The following EPHA7 variants were observed in gnomAD, a reference collection of about 807,000 sequenced individuals.
The protein encoded by EPHA7 is ephrin type-A receptor 7.
A neutral mutation model predicts 112.6 loss-of-function variants in EPHA7; 25 were observed. The ratio of observed to expected loss-of-function variants is 0.22; its 90% confidence interval spans 0.16 to 0.31. The LOEUF (loss-of-function observed/expected upper bound fraction) is 0.31, where lower values mean the gene tolerates loss of function less well. Among genes scored for constraint, EPHA7 ranks in the 10% least tolerant of loss-of-function variants. The pLI, the probability that EPHA7 is intolerant of heterozygous loss-of-function variation, is 1.00. For synonymous variants in EPHA7, 437 were observed against 406.5 expected, an observed-to-expected ratio of 1.07 and a Z score of -0.90; for missense variants, 962 against 1,212.6, an observed-to-expected ratio of 0.79 and a Z score of 3.07.
intron 5 of EPHA7, among the ~76,000 whole-genome samples, chr6:93,277,898 T>C (rs1192903780): frequency 6.6e-6 from 1 of 151,870 alleles, no homozygotes; most frequent in Non-Finnish European, 1.5e-5. Context: ...AATAAAAGCA[T>C]CCTGCATAGT....
chr6:93,319,157 T>C (rs1773947541), intron 5 of EPHA7, among the ~76,000 whole-genome samples: 1 of 152,192 alleles, frequency 6.6e-6, no homozygotes, highest in East Asian at 1.9e-4. Context: ...GACAATAAAT[T>C]TAACAACTAA....
At chr6:93,308,916 A>C (rs1773392588) in intron 5 of EPHA7, among the ~76,000 whole-genome samples, 1 of 150,856 alleles carries the variant, frequency 6.6e-6, no homozygotes, top group South Asian at 2.1e-4. Flanking sequence ...AAAAGCCCCA[A>C]CTAGTTTGAC....
intron 2 of EPHA7, among the ~76,000 whole-genome samples, chr6:93,413,380 A>G (rs1392857397): frequency 6.6e-6 from 1 of 151,938 alleles, no homozygotes; most frequent in Non-Finnish European, 1.5e-5. Context: ...TATTACATGG[A>G]TGAAATACTA....
chr6:93,255,884 C>T lies in EPHA7; in HGVS notation c.2326G>A (p.Asp776Asn). ...TCTATAACTCGGGACAGGCCAAAAT[C>T]TGACACTTTACAAACGAGATTGCTG... ...VNSNLVCKVSDFGLSRVIEDD... is the reference protein window; with the variant it reads ...VNSNLVCKVSNFGLSRVIEDD... The change falls in exon 13 of 17, where the codon GAT becomes AAT. Residue 776 changes from aspartate to asparagine, a missense_variant. Asp to Asn is a conservative substitution (Grantham distance 23, BLOSUM62 1). This residue lies in a region of EPHA7 where 746 missense variants were observed against 889.2 expected (regional missense o/e 0.84). Coordinates refer to ENST00000369303, the MANE Select transcript of EPHA7 (RefSeq NM_004440.4). The T allele has an allele frequency of 6.2e-7, 1 of 1,614,084 alleles. No homozygotes were observed. The highest frequency in any genetic ancestry group is 8.5e-7 in the Non-Finnish European group (1 of 1,179,996).
At chr6:93,252,935 A>G (rs887291924) in intron 14 of EPHA7, among the ~76,000 whole-genome samples, 2 of 152,058 alleles carry the variant, frequency 1.3e-5, no homozygotes, top group Non-Finnish European at 2.9e-5. Flanking sequence ...GTTCATTTTT[A>G]AGAAAAACAA....
At chr6:93,345,972 A>G (rs551049946) in intron 5 of EPHA7, among the ~76,000 whole-genome samples, 25 of 151,764 alleles carry the variant, frequency 1.6e-4, no homozygotes, top group African/African-American at 5.3e-4. Flanking sequence ...GAACTCATGT[A>G]GTGAAAACAG....
At chr6:93,351,054 G>T (rs1775667342) in intron 5 of EPHA7, among the ~76,000 whole-genome samples, 1 of 151,918 alleles carries the variant, frequency 6.6e-6, no homozygotes, top group African/African-American at 2.4e-5. Context: ...ATTCTCCTTA[G>T]AAAAGCACTG....
chr6:93,334,225 C>G (rs1308489439), intron 5 of EPHA7, among the ~76,000 whole-genome samples: 2 of 151,982 alleles, frequency 1.3e-5, no homozygotes, highest in Admixed American at 1.3e-4. Flanking sequence ...GGACCCCCTC[C>G]TTACACCGTA....
At chr6:93,390,274 C>T (rs1323616660) in intron 3 of EPHA7, among the ~76,000 whole-genome samples, 1 of 145,836 alleles carries the variant, frequency 6.9e-6, no homozygotes, top group Non-Finnish European at 1.5e-5. Flanking sequence ...TTTCAAATTA[C>T]AAGAAAAGAA....
chr6:93,288,260 G>A (rs1772175727), intron 5 of EPHA7, among the ~76,000 whole-genome samples: 1 of 152,198 alleles, frequency 6.6e-6, no homozygotes, highest in Non-Finnish European at 1.5e-5. Context: ...TGGATAGGCT[G>A]TACAGTACAA....
intron 5 of EPHA7, among the ~76,000 whole-genome samples, chr6:93,288,799 C>T (rs1393279943): frequency 6.6e-6 from 1 of 152,156 alleles, no homozygotes; most frequent in Admixed American, 6.5e-5. Flanking sequence ...TTCCTAACTT[C>T]TCTGAGTAAA....
At chr6:93,402,479 G>C (rs974171649) in intron 3 of EPHA7, among the ~76,000 whole-genome samples, 5 of 151,940 alleles carry the variant, frequency 3.3e-5, no homozygotes, top group Admixed American at 3.3e-4. Flanking sequence ...GGGTCACAGG[G>C]ATGACATTTG....
rs371052750 is a variant in EPHA7, at chr6:93,405,783, ATGTGTGTGTG to A, written c.832+4708_832+4717del. The stretch of plus-strand genomic sequence containing the variant: ...TGGTGTTTCTTATATTTCTGTATAT[ATGTGTGTGTG>A]TGTGTGTGTGTGTGTGTGTGTATAT... On this transcript the variant is annotated intron_variant, in intron 3 of 16. Transcript: ENST00000369303. Among the ~76,000 whole-genome samples, 534 of 95,122 alleles carry A rather than the reference ATGTGTGTGTG, an allele frequency of 5.6e-3. 3 individuals carry two copies. Among genetic ancestry groups the A allele is most frequent in the East Asian group, 0.012 (27 of 2,312 alleles). 62.4% of individuals were successfully genotyped at this position (95,122 alleles called of 152,430 possible).
At chr6:93,287,700 C>A (rs1030451595) in intron 5 of EPHA7, among the ~76,000 whole-genome samples, 1 of 151,842 alleles carries the variant, frequency 6.6e-6, no homozygotes, top group Non-Finnish European at 1.5e-5. Flanking sequence ...CTCCAACCTC[C>A]AAAATGCCCC....
At chr6:93,268,941 T>A (rs1236434143) in intron 7 of EPHA7, among the ~76,000 whole-genome samples, 2 of 151,774 alleles carry the variant, frequency 1.3e-5, no homozygotes, top group African/African-American at 4.8e-5. Context: ...AAATATTCCA[T>A]AACAAAAATG....
intron 5 of EPHA7, among the ~76,000 whole-genome samples, chr6:93,324,820 G>A (rs892410255): frequency 6.6e-6 from 1 of 151,442 alleles, no homozygotes; most frequent in African/African-American, 2.4e-5. Context: ...ACAAATCAAG[G>A]CCTTGGCCAG....
chr6:93,247,324 C>T (rs113623880), intron 14 of EPHA7, among the ~76,000 whole-genome samples: 1 of 152,098 alleles, frequency 6.6e-6, no homozygotes, highest in Non-Finnish European at 1.5e-5. Context: ...TTGTGAGTAT[C>T]CATATGTGCC....
At chr6:93,253,660 A>C (rs1292512341) in intron 14 of EPHA7, among the ~76,000 whole-genome samples, 2 of 152,066 alleles carry the variant, frequency 1.3e-5, no homozygotes, top group Non-Finnish European at 2.9e-5. Context: ...CATCTCTGTT[A>C]TAGAAAAGTG....
rs1182203033 is a variant in EPHA7, at chr6:93,359,474, C to A, written c.833-1063G>T. Among the ~76,000 whole-genome samples the A allele has an allele frequency of 2.0e-5, 3 of 151,616 alleles. No homozygotes were observed. In the East Asian group the frequency reaches 5.8e-4, roughly 29 times the overall value. ...ATATTTAGCTAAAAGAAAATCATAT[C>A]TGTAAAGAAAAGTTAGTGAAAATTT... On this transcript the variant is annotated intron_variant, in intron 3 of 16. Transcript: ENST00000369303.
Sources: allele counts gnomAD v4.1 joint callset (sites outside exome capture counted in the v4.1 genomes callset), GRCh38; gene constraint gnomAD v4.1.1; regional missense constraint gnomAD v4.1.1; transcripts MANE v1.5; gene names NCBI Gene and HGNC (gene_info 2026-07-23, HGNC 2026-07-21).